SQSTM1: variants seen among roughly 807,000 people sequenced by gnomAD.
SQSTM1 encodes the protein sequestosome-1.
Under a neutral mutation model 45.1 loss-of-function variants are expected in SQSTM1, and 36 were observed. The observed-to-expected ratio is 0.80, with a 90% CI of 0.61 to 1.05. The LOEUF (loss-of-function observed/expected upper bound fraction) is 1.05. Among genes scored for constraint, SQSTM1 ranks in the 50% least tolerant of loss-of-function variants. The probability of loss-of-function intolerance (pLI) is 0.00; values close to 1 mark genes in which losing one functional copy is unlikely to be tolerated. For missense variants in SQSTM1, 617 were observed against 607.1 expected (o/e 1.02, Z -0.17); for synonymous variants, 290 against 244.3 (o/e 1.19, Z -1.74).
upstream of SQSTM1, among the ~76,000 whole-genome samples, chr5:179,814,084 A>G (rs1346346500): frequency 6.6e-6 from 1 of 152,190 alleles, no homozygotes; most frequent in African/African-American, 2.4e-5. Context: ...TCCTCTGACC[A>G]TAAGAGTTCC....
In SQSTM1 at chr5:179,824,046, A is replaced by G; in HGVS notation, c.490A>G (p.Thr164Ala). 6.2e-7 allele frequency: 1 copy of G among 1,613,944 alleles called. No homozygotes were observed. Among genetic ancestry groups the G allele is most frequent in the Non-Finnish European group, 8.5e-7 (1 of 1,180,034 alleles). Residue 164 changes from threonine to alanine, a missense_variant, in exon 3 of 8, where the codon ACC (threonine) becomes GCC (alanine). Transcript: ENST00000389805. ...GGGAAAGGGCTTGCACCGGGGGCAC[A>G]CCAAGCTCGCATTCCCCAGCCCCTT... ...CEGKGLHRGHTKLAFPSPFGH... is the reference protein window; with the variant it reads ...CEGKGLHRGHAKLAFPSPFGH...
In SQSTM1 at chr5:179,833,745, GC is replaced by G; in HGVS notation, c.1129del (p.Leu377Ter). On this transcript the variant is annotated frameshift_variant, in exon 7 of 8. Coordinates refer to ENST00000389805, the MANE Select transcript of SQSTM1 (RefSeq NM_003900.5). LOFTEE classifies it high-confidence loss of function. ...ACCCCTCCCAGGAGGGACCCACAGG[GC>G]TGAAGGAAGCTGCCTTGTACCCACA... is the stretch of plus-strand genomic sequence containing the variant. ...LDPSQEGPTG[L>X]KEAALYPHLP... is the part of the protein sequence containing the mutation. 1 of 1,614,132 alleles carries G rather than the reference GC, an allele frequency of 6.2e-7. No individual in the cohort carries two copies. The highest frequency in any genetic ancestry group is 1.3e-5 in the African/African-American group (1 of 75,036).
intron 5 of SQSTM1, among the ~76,000 whole-genome samples, chr5:179,832,634 A>G (rs1241674938): frequency 6.6e-6 from 1 of 152,224 alleles, no homozygotes; most frequent in East Asian, 1.9e-4. Flanking sequence ...TGGTTAGGAA[A>G]AAGGTCTCTT....
At chr5:179,833,527 A>AC (rs1758346915) in intron 6 of SQSTM1, 60 bp from the exon 7 acceptor site, 1 of 1,583,302 alleles carries the variant, frequency 6.3e-7, no homozygotes, top group East Asian at 2.2e-5. Flanking sequence ...AGCCAGGGCC[A>AC]TGGTCAGGCT....
At position 179,806,488 on chromosome 5, in the gene SQSTM1, T is replaced by C; in HGVS notation, c.-260T>C. The C allele has an allele frequency of 3.1e-6, 4 of 1,302,814 alleles. No homozygotes were observed. Among genetic ancestry groups the C allele is most frequent in the South Asian group, 1.5e-5 (1 of 65,244 alleles). The allele number at this position is 1,302,814 out of a possible 1,614,324, so 80.7% of individuals were successfully genotyped here. ...GGGCCGGGCGGGGGTCGCGCTCACC[T>C]TTCTGGCCGCTGAGTGCCGCGTACC... On this transcript the variant is annotated 5_prime_UTR_variant, in exon 1 of 6. Transcript: ENST00000514093. The surrounding 1 kb of genome is among the most constrained non-coding windows in gnomAD (Gnocchi z 4.6).
intron 1 of SQSTM1, chr5:179,822,536 C>T (rs1269016413): frequency 2.0e-5 from 6 of 302,798 alleles, no homozygotes; most frequent in Non-Finnish European, 2.0e-5. Context: ...ACTCCCAAGC[C>T]ACTAGAAGTC....
intron 5 of SQSTM1, among the ~76,000 whole-genome samples, chr5:179,826,562 T>C (rs11960420): frequency 0.017 from 2,613 of 150,946 alleles, 97 homozygotes; most frequent in African/African-American, 0.061. Context: ...AGTTTAGAGG[T>C]GAAGTCAGAG....
intron 6 of SQSTM1, 134 bp downstream of exon 6, chr5:179,833,380 TC>T (rs1206723024): frequency 9.6e-7 from 1 of 1,042,466 alleles, no homozygotes; most frequent in African/African-American, 1.6e-5. Flanking sequence ...TGCAGTGATG[TC>T]TGTGCCATTA....
intron 7 of SQSTM1, among the ~76,000 whole-genome samples, 176 bp downstream of exon 7, chr5:179,833,958 C>T (rs531172142): frequency 1.3e-3 from 192 of 152,186 alleles, no homozygotes; most frequent in African/African-American, 4.5e-3. Flanking sequence ...TGAGCAATAG[C>T]GAGTAAGCTC....
chr5:179,827,532 C>T (rs1582012933), intron 5 of SQSTM1, among the ~76,000 whole-genome samples: 1 of 152,280 alleles, frequency 6.6e-6, no homozygotes, highest in Middle Eastern at 3.4e-3. Context: ...GATCCACCCG[C>T]CTCAGCCTCC....
At chr5:179,822,456 C>A (rs375995544) in intron 1 of SQSTM1, 35 of 246,938 alleles carry the variant, frequency 1.4e-4, no homozygotes, top group African/African-American at 6.2e-4. Context: ...CAAATGGAGA[C>A]TACATACAAA....
intron 1 of SQSTM1, among the ~76,000 whole-genome samples, chr5:179,822,125 C>T (rs1023611504): frequency 9.2e-5 from 14 of 152,150 alleles, no homozygotes; most frequent in Admixed American, 2.6e-4. Context: ...TCCACATGCC[C>T]CCAGCAACCT....
Position 179,837,917 on chromosome 5 carries a change from G to T in SQSTM1, c.*1324G>T. 1 of 1,584,372 alleles carries T rather than the reference G, an allele frequency of 6.3e-7. No homozygotes were observed. The highest frequency in any genetic ancestry group is 1.3e-5 in the African/African-American group (1 of 74,646). ...GAGAAGATGGCCATGCCCTCCATGT[G>T]TAAGAACAATGCCAGGGCCCAGGAG... On this transcript the variant is annotated 3_prime_UTR_variant, in exon 8 of 8. Coordinates refer to ENST00000389805, the MANE Select transcript of SQSTM1 (RefSeq NM_003900.5).
At chr5:179,834,892 A>C (rs1008168615) in intron 7 of SQSTM1, among the ~76,000 whole-genome samples, 17 of 152,284 alleles carry the variant, frequency 1.1e-4, no homozygotes, top group East Asian at 3.9e-4. Context: ...CATTGTCATC[A>C]TGGCCCGTTC....
intron 1 of SQSTM1, 118 bp from the exon 2 acceptor site, chr5:179,822,840 G>A (rs540994663): frequency 1.2e-6 from 1 of 845,618 alleles, no homozygotes. Flanking sequence ...GGCTCAAGTA[G>A]GTGTGTTTGT....
intron 5 of SQSTM1, among the ~76,000 whole-genome samples, chr5:179,827,649 G>A (rs1234175593): frequency 1.3e-5 from 2 of 152,262 alleles, no homozygotes; most frequent in African/African-American, 4.8e-5. Context: ...CTCCGAACTA[G>A]GGAGGAGCCT....
intron 5 of SQSTM1, among the ~76,000 whole-genome samples, chr5:179,830,171 C>A (rs695191): frequency 0.65 from 98,510 of 152,066 alleles, 33,071 homozygotes; most frequent in African/African-American, 0.81. Context: ...GGCAATGAGG[C>A]CATTATCTTC....
At chr5:179,827,968 A>G (rs960159747) in intron 5 of SQSTM1, among the ~76,000 whole-genome samples, 1 of 152,166 alleles carries the variant, frequency 6.6e-6, no homozygotes, top group African/African-American at 2.4e-5. Flanking sequence ...GGGAGCCACA[A>G]CTGAGACCCA....
At chr5:179,834,800 C>T (rs1474309283) in intron 7 of SQSTM1, among the ~76,000 whole-genome samples, 1 of 152,238 alleles carries the variant, frequency 6.6e-6, no homozygotes, top group East Asian at 1.9e-4. Context: ...CCCATGTCTA[C>T]TTCTTTCCAC....
Sources: allele counts gnomAD v4.1 joint callset (sites outside exome capture counted in the v4.1 genomes callset), GRCh38; gene constraint gnomAD v4.1.1; non-coding constraint Gnocchi (gnomAD v3.1); transcripts MANE v1.5; gene names NCBI Gene and HGNC (gene_info 2026-07-23, HGNC 2026-07-21).